EDIL3: variants seen among roughly 807,000 people sequenced by gnomAD.
EDIL3 encodes the protein EGF-like repeat and discoidin I-like domain-containing protein 3.
In EDIL3, 37 loss-of-function variants were observed where a neutral mutation model predicts 67.4. The observed-to-expected ratio is 0.55, with a 90% CI of 0.42 to 0.72. The LOEUF (loss-of-function observed/expected upper bound fraction) is 0.72. Among genes scored for constraint, EDIL3 ranks in the 30% least tolerant of loss-of-function variants. The probability of loss-of-function intolerance (pLI) is 0.00; values close to 1 mark genes in which losing one functional copy is unlikely to be tolerated. For synonymous variants in EDIL3, 195 were observed against 196.3 expected, an observed-to-expected ratio of 0.99 and a Z score of 0.05; for missense variants, 527 against 586.3, an observed-to-expected ratio of 0.90 and a Z score of 1.04.
At chr5:84,043,586 G>A (rs992021561) in intron 9 of EDIL3, among the ~76,000 whole-genome samples, 1 of 152,156 alleles carries the variant, frequency 6.6e-6, no homozygotes, top group Non-Finnish European at 1.5e-5. Flanking sequence ...GCCACAGGCA[G>A]CCATGAAAAA....
intron 4 of EDIL3, among the ~76,000 whole-genome samples, chr5:84,140,033 G>A (rs1019986627): frequency 7.2e-5 from 11 of 152,198 alleles, no homozygotes; most frequent in African/African-American, 2.4e-4. Context: ...AGGCAACTGC[G>A]TTTTATTTTT....
intron 9 of EDIL3, among the ~76,000 whole-genome samples, chr5:84,021,708 A>C (rs1745719833): frequency 6.6e-6 from 1 of 152,038 alleles, no homozygotes; most frequent in South Asian, 2.1e-4. Context: ...AAGGTTTGTT[A>C]GGTCCATTTG....
chr5:84,066,666 A>G, intron 6 of EDIL3, 60 bp from the exon 7 acceptor site: 2 of 1,557,250 alleles, frequency 1.3e-6, no homozygotes, highest in Non-Finnish European at 1.7e-6. Context: ...AATACTGAAA[A>G]TACGAATTTT....
At chr5:84,199,696 T>C (rs1431854447) in intron 3 of EDIL3, among the ~76,000 whole-genome samples, 1 of 152,062 alleles carries the variant, frequency 6.6e-6, no homozygotes, top group Admixed American at 6.6e-5. Flanking sequence ...TCTTATTTCT[T>C]CCAGGTAGTC....
intron 6 of EDIL3, among the ~76,000 whole-genome samples, chr5:84,096,360 G>T (rs558006726): frequency 1.1e-3 from 172 of 152,346 alleles, no homozygotes; most frequent in African/African-American, 4.0e-3. Flanking sequence ...AGATGCCCAA[G>T]ACCATGGGAA....
intron 9 of EDIL3, among the ~76,000 whole-genome samples, chr5:83,967,335 A>G (rs1744709173): frequency 6.6e-6 from 1 of 152,142 alleles, no homozygotes; most frequent in Admixed American, 6.6e-5. Flanking sequence ...TAAATAAAAT[A>G]AATAAAACAA....
chr5:84,374,756 T>C (rs1747930838), intron 1 of EDIL3, among the ~76,000 whole-genome samples: 1 of 152,080 alleles, frequency 6.6e-6, no homozygotes, highest in Non-Finnish European at 1.5e-5. Context: ...TCTTGAATAG[T>C]GAGTAAGTTC....
intron 10 of EDIL3, among the ~76,000 whole-genome samples, chr5:83,959,250 C>T (rs771494213): frequency 7.5e-5 from 11 of 146,934 alleles, no homozygotes; most frequent in East Asian, 2.0e-4. Context: ...TATATATATA[C>T]GGCATTGCTT....
intron 9 of EDIL3, among the ~76,000 whole-genome samples, chr5:84,016,493 T>C (rs1000471273): frequency 6.6e-6 from 1 of 152,158 alleles, no homozygotes; most frequent in Non-Finnish European, 1.5e-5. Context: ...AGGTTGTGCA[T>C]CCCTAATCTG....
rs182698182 is a variant in EDIL3, at chr5:83,943,901, T to C, written c.1294-333A>G. Among the ~76,000 whole-genome samples the C allele has an allele frequency of 1.4e-3, 215 of 152,166 alleles. 1 individual carries two copies. The highest frequency in any genetic ancestry group is 5.0e-3 in the African/African-American group (206 of 41,538). ...CGTTAGTCATGTAGCTTGCTGAAGA[T>C]GCTCTCTTCCACGGGGTGACTCAGA... On this transcript the variant is annotated intron_variant, in intron 10 of 10. Transcript: ENST00000296591.
chr5:83,957,755 T>C (rs1022285940), intron 10 of EDIL3, among the ~76,000 whole-genome samples: 1 of 151,730 alleles, frequency 6.6e-6, no homozygotes, highest in Non-Finnish European at 1.5e-5. Flanking sequence ...TCAAATAATA[T>C]ACCTAGTAGG....
chr5:84,116,125 T>C (rs560375412), intron 5 of EDIL3, among the ~76,000 whole-genome samples: 1 of 151,164 alleles, frequency 6.6e-6, no homozygotes, highest in Admixed American at 6.6e-5. Context: ...CTGTACAATG[T>C]AGTTATCTTT....
chr5:84,038,930 C>T (rs2112211267), intron 9 of EDIL3, among the ~76,000 whole-genome samples: 1 of 152,278 alleles, frequency 6.6e-6, no homozygotes, highest in East Asian at 1.9e-4. Flanking sequence ...TCCTTCCAGG[C>T]ACATGCAGCA....
intron 9 of EDIL3, among the ~76,000 whole-genome samples, chr5:83,995,685 T>C (rs369952684): frequency 3.9e-5 from 6 of 152,172 alleles, no homozygotes; most frequent in African/African-American, 1.4e-4. Context: ...CTATCTGTGA[T>C]CTTACTTAGT....
At chr5:84,132,834 A>G (rs1748016929) in intron 5 of EDIL3, among the ~76,000 whole-genome samples, 1 of 151,748 alleles carries the variant, frequency 6.6e-6, no homozygotes, top group Admixed American at 6.6e-5. Context: ...CAAAAACTGG[A>G]TAATTATGAT....
intron 3 of EDIL3, among the ~76,000 whole-genome samples, chr5:84,206,861 A>C (rs1462999413): frequency 6.6e-6 from 1 of 152,244 alleles, no homozygotes. Context: ...TCACGCTAAA[A>C]ACTCTCAATA....
At chr5:84,304,196 T>C (rs1580066704) in intron 1 of EDIL3, among the ~76,000 whole-genome samples, 1 of 152,166 alleles carries the variant, frequency 6.6e-6, no homozygotes, top group South Asian at 2.1e-4. Context: ...CACCATTGAG[T>C]AACAGGGGTG....
At chr5:84,229,991 T>G in intron 2 of EDIL3, 107 bp from the exon 3 acceptor site, 3 of 1,016,896 alleles carry the variant, frequency 3.0e-6, no homozygotes, top group South Asian at 1.7e-5. Flanking sequence ...TGAACATAAA[T>G]ATATTTCACA....
chr5:84,072,966 T>A (rs1389692513), intron 6 of EDIL3, among the ~76,000 whole-genome samples: 1 of 152,156 alleles, frequency 6.6e-6, no homozygotes, highest in African/African-American at 2.4e-5. Context: ...AACACTTTTA[T>A]TACAAGAACA....
Sources: gnomAD v4.1 joint callset for allele counts (sites outside exome capture counted in the v4.1 genomes callset) on GRCh38, gnomAD v4.1.1 for gene constraint, MANE v1.5 for transcripts, NCBI Gene and HGNC (gene_info 2026-07-23, HGNC 2026-07-21) for gene names.